Variants in FHIT observed in about 807,000 individuals in gnomAD.
FHIT encodes the protein bis(5'-adenosyl)-triphosphatase.
FHIT carries 19 observed loss-of-function variants against 17.9 expected under a neutral mutation model. The ratio of observed to expected loss-of-function variants is 1.06; its 90% CI spans 0.74 to 1.56. The LOEUF is 1.56. Ranked by LOEUF, FHIT falls within the 40% of genes most tolerant of loss-of-function variation. The probability of loss-of-function intolerance (pLI) is 0.00; values close to 1 mark genes in which losing one functional copy is unlikely to be tolerated. For missense variants in FHIT, 248 were observed against 189.2 expected, an observed-to-expected ratio of 1.31 and a Z score of -1.82; for synonymous variants, 81 against 69.7, an observed-to-expected ratio of 1.16 and a Z score of -0.81.
At chr3:60,301,307 C>T (rs1193117878) in intron 5 of FHIT, among the ~76,000 whole-genome samples, 1 of 152,134 alleles carries the variant, frequency 6.6e-6, no homozygotes, top group East Asian at 1.9e-4. Flanking sequence ...GTGTGTTTCA[C>T]CATAGCCTTA....
chr3:60,371,338 T>G (rs1443374709), intron 5 of FHIT, among the ~76,000 whole-genome samples: 1 of 151,898 alleles, frequency 6.6e-6, no homozygotes, highest in African/African-American at 2.4e-5. Context: ...GCTACAACCA[T>G]TTTAATTATT....
At chr3:60,764,860 T>A (rs1326143153) in intron 4 of FHIT, among the ~76,000 whole-genome samples, 1 of 152,004 alleles carries the variant, frequency 6.6e-6, no homozygotes, top group Non-Finnish European at 1.5e-5. Context: ...ATTCTTAACC[T>A]GAAACCAAAA....
intron 8 of FHIT, among the ~76,000 whole-genome samples, chr3:59,766,093 G>A (rs1204553669): frequency 1.3e-5 from 2 of 152,182 alleles, no homozygotes; most frequent in Non-Finnish European, 2.9e-5. Flanking sequence ...AGGAGACAAG[G>A]GGATGGTTTT....
intron 3 of FHIT, among the ~76,000 whole-genome samples, chr3:61,011,343 G>C (rs2031777076): frequency 6.6e-6 from 1 of 152,064 alleles, no homozygotes. Flanking sequence ...TTCATTTTTA[G>C]CTTGCTCTCA....
At chr3:60,119,201 G>T (rs979156745) in intron 5 of FHIT, among the ~76,000 whole-genome samples, 2 of 151,720 alleles carry the variant, frequency 1.3e-5, no homozygotes, top group Non-Finnish European at 2.9e-5. Context: ...AGCCTCTCAA[G>T]TAGCTGGGAC....
chr3:60,170,520 T>C (rs1016450), intron 5 of FHIT, among the ~76,000 whole-genome samples: 36,372 of 152,050 alleles, frequency 0.24, 4,456 homozygotes, highest in East Asian at 0.34. Flanking sequence ...TGGACCATGT[T>C]TTGCTCACCA....
chr3:60,572,037 G>C (rs1329069581), intron 4 of FHIT, among the ~76,000 whole-genome samples: 1 of 151,622 alleles, frequency 6.6e-6, no homozygotes, highest in Admixed American at 6.6e-5. Flanking sequence ...TTTTTTTTGG[G>C]GGGGAAGATT....
chr3:60,538,576 C>T (rs1444762064), intron 4 of FHIT, among the ~76,000 whole-genome samples: 4 of 152,112 alleles, frequency 2.6e-5, no homozygotes, highest in African/African-American at 9.7e-5. Flanking sequence ...CAGCATGGTA[C>T]TGGTACCAAA....
At chr3:60,140,609 G>A (rs544078552) in intron 5 of FHIT, among the ~76,000 whole-genome samples, 3 of 139,706 alleles carry the variant, frequency 2.1e-5, no homozygotes, top group South Asian at 2.2e-4. Flanking sequence ...ACAGAGTTTC[G>A]CTATTGTTGT....
chr3:59,907,571 G>A (rs967996882), intron 8 of FHIT, among the ~76,000 whole-genome samples: 1 of 152,236 alleles, frequency 6.6e-6, no homozygotes, highest in Admixed American at 6.5e-5. Flanking sequence ...GCAAGAAAGA[G>A]TGCATGTGTA....
intron 5 of FHIT, among the ~76,000 whole-genome samples, chr3:60,418,314 G>A (rs1702325187): frequency 7.1e-6 from 1 of 141,286 alleles, no homozygotes; most frequent in Non-Finnish European, 1.5e-5. Context: ...ATTATGTCAT[G>A]CTATATTCAT....
chr3:60,262,533 C>T (rs779351218), intron 5 of FHIT, among the ~76,000 whole-genome samples: 1 of 151,990 alleles, frequency 6.6e-6, no homozygotes, highest in African/African-American at 2.4e-5. Context: ...ACTATTCTTA[C>T]TCTATCATAA....
At chr3:60,401,898 C>A (rs768639808) in intron 5 of FHIT, among the ~76,000 whole-genome samples, 1 of 152,130 alleles carries the variant, frequency 6.6e-6, no homozygotes. Flanking sequence ...GATACCTCAA[C>A]AGTTGAGTGT....
intron 8 of FHIT, among the ~76,000 whole-genome samples, chr3:59,868,477 A>G (rs1702760097): frequency 6.6e-6 from 1 of 152,238 alleles, no homozygotes; most frequent in Non-Finnish European, 1.5e-5. Flanking sequence ...TAAAAAGCAA[A>G]TATGAGGTCT....
intron 2 of FHIT, among the ~76,000 whole-genome samples, chr3:61,059,409 G>A (rs2034347890): frequency 1.5e-5 from 2 of 133,376 alleles, no homozygotes; most frequent in Admixed American, 8.0e-5. Context: ...AGAAAGCAGT[G>A]AGATAAATTG....
chr3:60,019,281 A>T (rs1700462962), intron 5 of FHIT, among the ~76,000 whole-genome samples: 1 of 152,062 alleles, frequency 6.6e-6, no homozygotes, highest in Admixed American at 6.5e-5. Context: ...TAAAAGGAGG[A>T]GTGGAAAGAT....
At chr3:61,216,922 C>T (rs1455572281) in intron 1 of FHIT, among the ~76,000 whole-genome samples, 3 of 148,482 alleles carry the variant, frequency 2.0e-5, no homozygotes, top group Non-Finnish European at 3.0e-5. Context: ...CATGTTCTCA[C>T]TCATAGGTGG....
intron 2 of FHIT, among the ~76,000 whole-genome samples, chr3:61,058,537 C>T (rs1014306824): frequency 2.0e-5 from 3 of 152,096 alleles, no homozygotes; most frequent in South Asian, 4.1e-4. Context: ...TTGCTGTTCT[C>T]GCAATAATGA....
intron 5 of FHIT, among the ~76,000 whole-genome samples, chr3:60,445,208 G>A (rs1423748392): frequency 6.6e-6 from 1 of 152,096 alleles, no homozygotes; most frequent in Non-Finnish European, 1.5e-5. Flanking sequence ...CACTAGGTCT[G>A]GGTGGGGCTC....
Sources: allele counts gnomAD v4.1 joint callset (sites outside exome capture counted in the v4.1 genomes callset), GRCh38; gene constraint gnomAD v4.1.1; transcripts MANE v1.5; gene names NCBI Gene and HGNC (gene_info 2026-07-23, HGNC 2026-07-21).